The following ASCC2 variants were observed in gnomAD, a reference collection of about 807,000 sequenced individuals.
The protein encoded by ASCC2 is ASC-1 complex subunit P100.
A neutral mutation model predicts 93.5 loss-of-function variants in ASCC2; 42 were observed. The ratio of observed to expected loss-of-function variants is 0.45; its 90% CI spans 0.35 to 0.58. ASCC2 has a LOEUF of 0.58. Ranked by LOEUF, ASCC2 falls within the 20% of genes least tolerant of loss-of-function variation. The probability of loss-of-function intolerance (pLI) is 0.00; values close to 1 mark genes in which losing one functional copy is unlikely to be tolerated. For synonymous variants in ASCC2, 364 were observed against 384.2 expected (o/e 0.95, Z 0.62); for missense variants, 859 against 977.6 (o/e 0.88, Z 1.62).
At chr22:29,806,083 C>T in intron 12 of ASCC2, 133 bp downstream of exon 12, 1 of 943,384 alleles carries the variant, frequency 1.1e-6, no homozygotes, top group Non-Finnish European at 1.7e-6. Context: ...CTTGGCAGGC[C>T]ACCTCGGACA....
Position 29,788,970 on chromosome 22 carries a change from TGA to T in ASCC2, c.*41_*42del, listed in dbSNP as rs757018121. 6.2e-7 allele frequency: 1 copy of T among 1,612,288 alleles called. No homozygotes were observed. The highest frequency in any genetic ancestry group is 2.2e-5 in the East Asian group (1 of 44,858). ...CCCAGGCGATGGGAGCACGGCCTGGTGAGTCTGGTGCCGCTGCCTCCCCACTG... is the reference window on the plus strand; with the variant it reads ...CCCAGGCGATGGGAGCACGGCCTGGTGTCTGGTGCCGCTGCCTCCCCACTG... On this transcript the variant is annotated 3_prime_UTR_variant, in exon 20 of 20. Transcript: ENST00000307790.
chr22:29,806,672 T>G, intron 10 of ASCC2, 119 bp from the exon 11 acceptor site: 1 of 1,422,756 alleles, frequency 7.0e-7, no homozygotes, highest in Non-Finnish European at 9.8e-7. Flanking sequence ...GCATTTTTCT[T>G]GGTTTCTCAT....
At chr22:29,821,916 T>C (rs1458535157) in intron 5 of ASCC2, 11 of 450,846 alleles carry the variant, frequency 2.4e-5, no homozygotes, top group Admixed American at 2.4e-4. Context: ...GGGGGATAGC[T>C]TTACTCCAGG....
Position 29,788,931 on chromosome 22 carries a change from C to T in ASCC2, c.*82G>A, listed in dbSNP as rs2068482401. ...GAGGGGTTGAGTTGAACTTGGGGCC[C>T]CTAGTGAGGAGGCCCCAGGCGATGG... On this transcript the variant is annotated 3_prime_UTR_variant, in exon 20 of 20. Transcript: ENST00000307790. 2 of 1,561,566 alleles carry T rather than the reference C, an allele frequency of 1.3e-6. No homozygotes were observed. Among genetic ancestry groups the T allele is most frequent in the Admixed American group, 1.7e-5 (1 of 57,304 alleles).
At chr22:29,832,411 GCTGAT>G (rs2063263893) in intron 1 of ASCC2, 69 bp from the exon 2 acceptor site, 2 of 1,212,344 alleles carry the variant, frequency 1.6e-6, no homozygotes, top group Admixed American at 4.1e-5. Flanking sequence ...CTGCTCTGGG[GCTGAT>G]CCCAGAGTCA....
intron 5 of ASCC2, among the ~76,000 whole-genome samples, chr22:29,820,126 G>C (rs372918281): frequency 9.2e-5 from 14 of 151,802 alleles, no homozygotes; most frequent in South Asian, 4.1e-4. Context: ...TGAGAAACCA[G>C]AGATTATTTC....
rs751653631 is a variant in ASCC2 at position 29,825,356 on chromosome 22, A to G, written c.241-99T>C. ...ACTCAATGCCCATCAGCCCTGCCCT[A>G]TTCCAAACACTCCGACCCCAAGGGA... On this transcript the variant is annotated intron_variant, in intron 3 of 19. Transcript: ENST00000307790. The surrounding 1 kb of genome is among the most constrained non-coding windows in gnomAD (Gnocchi z 4.9). 5.0e-6 allele frequency: 7 copies of G among 1,410,554 alleles called. No homozygotes were observed. Among genetic ancestry groups the G allele is most frequent in the Non-Finnish European group, 6.7e-6 (7 of 1,039,840 alleles). The allele number at this position is 1,410,554 out of a possible 1,614,324, so 87.4% of individuals were successfully genotyped here.
Position 29,825,989 on chromosome 22 carries a change from G to A in ASCC2, c.82-209C>T. ...TAATTAAAATCCATGTTTTCGGAGTGGATTTAATGACACGGGGAAAGGTTA... is the reference window on the plus strand; with the variant it reads ...TAATTAAAATCCATGTTTTCGGAGTAGATTTAATGACACGGGGAAAGGTTA... On this transcript the variant is annotated intron_variant, in intron 2 of 19. Coordinates refer to ENST00000307790, the MANE Select transcript of ASCC2 (RefSeq NM_032204.5). The surrounding 1 kb of genome is among the most constrained non-coding windows in gnomAD (Gnocchi z 4.9). The A allele has an allele frequency of 2.0e-6, 1 of 512,108 alleles. No homozygotes were observed. Among genetic ancestry groups the A allele is most frequent in the Non-Finnish European group, 3.4e-6 (1 of 292,612 alleles). The allele number at this position is 512,108 out of a possible 1,614,324, so 31.7% of individuals were successfully genotyped here. A position where few individuals can be genotyped will look rare whatever the true frequency, so the allele number is the denominator to read the frequency against.
In ASCC2 at chr22:29,808,106, C is replaced by T; in HGVS notation, c.908+5G>A. On this transcript the variant is annotated splice_donor_5th_base_variant and intron_variant, in intron 9 of 19. Coordinates refer to ENST00000307790, the MANE Select transcript of ASCC2 (RefSeq NM_032204.5). Reference sequence around the variant, plus strand: ...ACAACATTCTTAATTTTGTCCCCGCCTCACTTGCTATCTTCAAGCCTCCTC... The same window carrying T: ...ACAACATTCTTAATTTTGTCCCCGCTTCACTTGCTATCTTCAAGCCTCCTC... The T allele has an allele frequency of 6.2e-7, 1 of 1,614,212 alleles. No individual in the cohort carries two copies.
intron 18 of ASCC2, among the ~76,000 whole-genome samples, chr22:29,791,886 G>T (rs1215005026): frequency 1.3e-5 from 2 of 152,208 alleles, no homozygotes; most frequent in Non-Finnish European, 2.9e-5. Flanking sequence ...ACTCATTGCC[G>T]TTGGTGACCT....
Position 29,792,443 on chromosome 22 carries a change from T to C in ASCC2, c.2012A>G (p.Glu671Gly). 6.2e-7 allele frequency: 1 copy of C among 1,613,932 alleles called. No individual in the cohort carries two copies. The highest frequency in any genetic ancestry group is 8.5e-7 in the Non-Finnish European group (1 of 1,179,888). Residue 671 changes from glutamate (E) to glycine (G), a missense_variant, in exon 18 of 20, where the codon GAG (glutamate) becomes GGG (glycine). By Grantham distance (98) the Glu-to-Gly change is moderately conservative. Coordinates refer to ENST00000307790, the MANE Select transcript of ASCC2 (RefSeq NM_032204.5). ...DDDEEDDADEEAPKPDHFVQD... is the reference protein window; with the variant it reads ...DDDEEDDADEGAPKPDHFVQD... The stretch of plus-strand genomic sequence containing the variant: ...CTGCCAGGGAGGTACCTTGGGAGCC[T>C]CCTCGTCAGCATCGTCTTCCTCATC...
chr22:29,821,648 G>A (rs748711508), intron 5 of ASCC2, among the ~76,000 whole-genome samples: 1 of 152,134 alleles, frequency 6.6e-6, no homozygotes, highest in Non-Finnish European at 1.5e-5. Context: ...TACATTCGTC[G>A]CCAAAGGAAA....
chr22:29,826,970 C>T (rs938426947), intron 2 of ASCC2, among the ~76,000 whole-genome samples: 1 of 151,482 alleles, frequency 6.6e-6, no homozygotes, highest in Non-Finnish European at 1.5e-5. Context: ...TGGTGGCGGG[C>T]GCCTGTAGTC....
chr22:29,827,184 G>C (rs1244715866), intron 2 of ASCC2, among the ~76,000 whole-genome samples: 1 of 133,566 alleles, frequency 7.5e-6, no homozygotes, highest in African/African-American at 2.8e-5. Context: ...TTATTTTTTT[G>C]TAAGTAAGTC....
In ASCC2 at chr22:29,809,165, A is replaced by G. The variant is rs575449864; in HGVS notation, c.834-980T>C. ...AATTTAACATGAAAATCTCAACACA[A>G]TATTTGTATTTGGTCAAAATAGGCT... On this transcript the variant is annotated intron_variant, in intron 8 of 19. Coordinates refer to ENST00000307790, the MANE Select transcript of ASCC2 (RefSeq NM_032204.5). Among the ~76,000 whole-genome samples, 245 of 151,788 alleles carry G rather than the reference A, an allele frequency of 1.6e-3. 2 individuals are homozygous for G. In the South Asian group the frequency reaches 0.016, roughly 10 times the overall value.
chr22:29,794,947 T>C (rs2058238271), intron 15 of ASCC2, among the ~76,000 whole-genome samples: 1 of 151,786 alleles, frequency 6.6e-6, no homozygotes, highest in Admixed American at 6.6e-5. Context: ...CCTGGAGTTG[T>C]CTAAATCTTT....
intron 4 of ASCC2, among the ~76,000 whole-genome samples, chr22:29,824,614 C>CA (rs34380320): frequency 2.0e-5 from 3 of 151,376 alleles, no homozygotes; most frequent in Non-Finnish European, 2.9e-5. Flanking sequence ...CACCCTGTCT[C>CA]AAAAAAAGCA....
rs781047083 is a variant in ASCC2 at position 29,814,678 on chromosome 22, G to A, written c.699C>T (p.Thr233=). The change falls in exon 7 of 20, where the codon ACC becomes ACT. Residue 233 remains threonine, a synonymous_variant. Coordinates refer to ENST00000307790, the MANE Select transcript of ASCC2 (RefSeq NM_032204.5). ...PQKLEERGRL[T]PSDMPLLELK... is the part of the protein sequence containing the mutation. ...TTACCAGGAGAGGCATGTCACTGGGGGTCAATCGGCCCCTCTCCTCAAGCT... is the reference window on the plus strand; with the variant it reads ...TTACCAGGAGAGGCATGTCACTGGGAGTCAATCGGCCCCTCTCCTCAAGCT... 6.2e-7 allele frequency: 1 copy of A among 1,604,188 alleles called. No individual in the cohort carries two copies. The highest frequency in any genetic ancestry group is 8.5e-7 in the Non-Finnish European group (1 of 1,176,266).
At chr22:29,819,674 G>A (rs1017927554) in intron 5 of ASCC2, among the ~76,000 whole-genome samples, 1 of 152,116 alleles carries the variant, frequency 6.6e-6, no homozygotes, top group African/African-American at 2.4e-5. Context: ...AAGTGCTAAA[G>A]CCTGGCATGA....
Sources: gnomAD v4.1 joint callset for allele counts (sites outside exome capture counted in the v4.1 genomes callset) on GRCh38, gnomAD v4.1.1 for gene constraint, Gnocchi (gnomAD v3.1) non-coding constraint, MANE v1.5 for transcripts, NCBI Gene and HGNC (gene_info 2026-07-23, HGNC 2026-07-21) for gene names.